The following SATB1 variants were observed in gnomAD, a reference collection of about 807,000 sequenced individuals.
SATB1 encodes DNA-binding protein SATB1.
In SATB1, 11 loss-of-function variants were observed where a neutral mutation model predicts 86.9. The observed-to-expected ratio is 0.13, with a 90% CI of 0.08 to 0.21. The LOEUF (loss-of-function observed/expected upper bound fraction) is 0.21. Among genes scored for constraint, SATB1 ranks in the 10% least tolerant of loss-of-function variants. The pLI is 1.00. For synonymous variants in SATB1, 357 were observed against 357.2 expected, an observed-to-expected ratio of 1.00 and a Z score of 0.01; for missense variants, 551 against 937.6, an observed-to-expected ratio of 0.59 and a Z score of 5.39.
upstream of SATB1, among the ~76,000 whole-genome samples, chr3:18,441,808 A>G (rs953368071): frequency 9.2e-5 from 14 of 152,142 alleles, no homozygotes; most frequent in African/African-American, 3.4e-4. Context: ...TCTCCTCCAG[A>G]TATTTTAGTC....
chr3:18,386,020 T>C lies in SATB1; in HGVS notation c.1419+379A>G, dbSNP rs990442602. ...GTATAAATACAAATGAAATTATTTA[T>C]TTTTATTTATTTACTATTCAAATGG... On this transcript the variant is annotated intron_variant, in intron 8 of 10. Transcript: ENST00000338745. This position sits in a 1 kb window ranked among gnomAD's most constrained non-coding sequence, Gnocchi z 4.5. Among the ~76,000 whole-genome samples the C allele has an allele frequency of 6.6e-6, 1 of 152,188 alleles. No homozygotes were observed. The highest frequency in any genetic ancestry group is 1.5e-5 in the Non-Finnish European group (1 of 68,036).
intron 10 of SATB1, chr3:18,351,286 G>T: frequency 6.6e-7 from 1 of 1,523,186 alleles, no homozygotes. Flanking sequence ...GTGTCCCTTG[G>T]TGGCATAGGT....
chr3:18,346,750 T>C lies in SATB1; in HGVS notation c.*2420A>G, dbSNP rs961654738. 8 of 152,306 alleles carry C rather than the reference T, an allele frequency of 5.3e-5. No homozygotes were observed. Among genetic ancestry groups the C allele is most frequent in the African/African-American group, 1.9e-4 (8 of 41,572 alleles). 9.4% of individuals were successfully genotyped at this position (152,306 alleles called of 1,614,324 possible). ...ATTCATCATTTCACTGAAAACACTA[T>C]TTCAAAATAATTTAGGTTATTAGGA... On this transcript the variant is annotated 3_prime_UTR_variant, in exon 11 of 11. Transcript: ENST00000338745.
intron 9 of SATB1, among the ~76,000 whole-genome samples, chr3:18,373,304 A>G (rs1695567006): frequency 6.6e-6 from 1 of 152,226 alleles, no homozygotes; most frequent in African/African-American, 2.4e-5. Context: ...TGTGCCTTAA[A>G]TAGGAGGCTA....
At chr3:18,420,442 A>G (rs112609549) in intron 2 of SATB1, among the ~76,000 whole-genome samples, 39 of 152,304 alleles carry the variant, frequency 2.6e-4, no homozygotes, top group African/African-American at 9.4e-4. Flanking sequence ...TTGAAGAAAC[A>G]GCTGCCTACA....
At chr3:18,441,052 T>A (rs1324493864), upstream of SATB1, among the ~76,000 whole-genome samples, 1 of 152,198 alleles carries the variant, frequency 6.6e-6, no homozygotes, top group African/African-American at 2.4e-5. Context: ...TCAATATGTA[T>A]GCTTATTCTG....
chr3:18,355,763 T>C (rs1330592987), intron 9 of SATB1, among the ~76,000 whole-genome samples: 1 of 151,954 alleles, frequency 6.6e-6, no homozygotes, highest in African/African-American at 2.4e-5. Flanking sequence ...CTAAATTAAA[T>C]GAGCTCACAA....
chr3:18,436,201 C>A (rs1699055425), intron 2 of SATB1, among the ~76,000 whole-genome samples: 1 of 152,080 alleles, frequency 6.6e-6, no homozygotes, highest in Non-Finnish European at 1.5e-5. Flanking sequence ...TGAAAAATAT[C>A]TTTTTATGCA....
At chr3:18,408,187 T>C (rs1697643637) in intron 5 of SATB1, among the ~76,000 whole-genome samples, 8 of 151,956 alleles carry the variant, frequency 5.3e-5, no homozygotes. Flanking sequence ...AGAAAGATGA[T>C]GACTAAAGAG....
chr3:18,381,070 G>A (rs544762661), intron 8 of SATB1, among the ~76,000 whole-genome samples: 7 of 152,138 alleles, frequency 4.6e-5, no homozygotes, highest in African/African-American at 9.7e-5. Context: ...AGGCGGCGCC[G>A]GGGAAGTAGT....
chr3:18,417,748 C>T (rs1206908302), intron 2 of SATB1: 2 of 681,440 alleles, frequency 2.9e-6, no homozygotes, highest in Admixed American at 4.4e-5. Flanking sequence ...ACTCATTTAA[C>T]CTACCTAACT....
rs369723411 is a variant in SATB1, at chr3:18,394,824, G to C, written c.844C>G (p.Pro282Ala). The C allele has an allele frequency of 2.5e-6, 4 of 1,614,004 alleles. No homozygotes were observed. Among genetic ancestry groups the C allele is most frequent in the Non-Finnish European group, 3.4e-6 (4 of 1,180,024 alleles). The change falls in exon 7 of 11, where the codon CCT becomes GCT. Residue 282 changes from proline (P) to alanine (A), a missense_variant. Physicochemically the swap from Pro to Ala is conservative, Grantham distance 27 (BLOSUM62 -1). Coordinates refer to ENST00000338745, the MANE Select transcript of SATB1 (RefSeq NM_002971.6). This position sits in a 1 kb window ranked among gnomAD's most constrained non-coding sequence, Gnocchi z 5.9. ...TGGGAGAGCTGCGCAGGGGATGGAGGCTGCTCGGCTGTGTTCCCTGGAACT... is the reference window on the plus strand; with the variant it reads ...TGGGAGAGCTGCGCAGGGGATGGAGCCTGCTCGGCTGTGTTCCCTGGAACT... ...QPVPGNTAEQ[P>A]PSPAQLSHGS...
rs545305495 is a variant in SATB1, at chr3:18,445,420, G to A, written c.-25+98C>T. ...GGCGCACACGGGGGTTGGCGCGGAA[G>A]ACAGGACCCTCAGCCTCGAGGGGTA... On this transcript the variant is annotated intron_variant, in intron 1 of 3. Coordinates refer to the SATB1 transcript ENST00000415069. 60 of 985,432 alleles carry A rather than the reference G, an allele frequency of 6.1e-5. No homozygotes were observed. In the East Asian group the frequency reaches 5.9e-3, roughly 98 times the overall value. 61.0% of individuals were successfully genotyped at this position (985,432 alleles called of 1,614,324 possible). A position where few individuals can be genotyped will look rare whatever the true frequency, so the allele number is the denominator to read the frequency against.
intron 7 of SATB1, among the ~76,000 whole-genome samples, chr3:18,390,154 C>T (rs959947125): frequency 6.6e-6 from 1 of 152,084 alleles, no homozygotes; most frequent in East Asian, 1.9e-4. Flanking sequence ...TTTAAAACAG[C>T]AGATAAGCGA....
chr3:18,423,315 C>G (rs1241047214), intron 1 of SATB1, among the ~76,000 whole-genome samples: 1 of 152,190 alleles, frequency 6.6e-6, no homozygotes, highest in East Asian at 1.9e-4. Context: ...CTGAATAAAA[C>G]AGTGAACTCA....
At chr3:18,372,389 T>C (rs58358608) in intron 9 of SATB1, among the ~76,000 whole-genome samples, 22,099 of 152,216 alleles carry the variant, frequency 0.15, 2,061 homozygotes, top group East Asian at 0.4. Flanking sequence ...TATTTGACTT[T>C]CAGTTAATTC....
At chr3:18,422,303 A>AT (rs1159044756) in intron 1 of SATB1, among the ~76,000 whole-genome samples, 1 of 152,134 alleles carries the variant, frequency 6.6e-6, no homozygotes, top group African/African-American at 2.4e-5. Context: ...TTCTGTAAAT[A>AT]TTTTTTCTTC....
At chr3:18,427,629 T>A (rs1698751372), upstream of SATB1, among the ~76,000 whole-genome samples, 1 of 152,220 alleles carries the variant, frequency 6.6e-6, no homozygotes, top group Non-Finnish European at 1.5e-5. Flanking sequence ...TTTACCCTCC[T>A]AATGACCTGG....
At chr3:18,415,966 TAAG>T (rs768631993) in intron 4 of SATB1, 38 bp downstream of exon 4, 13 of 1,524,250 alleles carry the variant, frequency 8.5e-6, no homozygotes, top group Non-Finnish European at 1.2e-5. Context: ...AAAGACCAGG[TAAG>T]AAGAATGTTT....
Sources: allele counts gnomAD v4.1 joint callset (sites outside exome capture counted in the v4.1 genomes callset), GRCh38; gene constraint gnomAD v4.1.1; non-coding constraint Gnocchi (gnomAD v3.1); transcripts MANE v1.5; gene names NCBI Gene and HGNC (gene_info 2026-07-23, HGNC 2026-07-21).